The following USP15 variants were observed in gnomAD, a reference collection of about 807,000 sequenced individuals.
The protein encoded by USP15 is ubiquitin specific peptidase 15.
USP15 carries 18 observed loss-of-function variants against 127.1 expected under a neutral mutation model. The ratio of observed to expected loss-of-function variants is 0.14; its 90% CI spans 0.10 to 0.21. USP15 has a LOEUF of 0.21. USP15 is among the 10% of genes least tolerant of loss of function. The pLI, the probability that USP15 is intolerant of heterozygous loss-of-function variation, is 1.00. For synonymous variants in USP15, 364 were observed against 393.7 expected, an observed-to-expected ratio of 0.92 and a Z score of 0.89; for missense variants, 805 against 1,159.9, an observed-to-expected ratio of 0.69 and a Z score of 4.44.
At chr12:62,268,657 AAGTC>A (rs1457612324) in intron 1 of USP15, among the ~76,000 whole-genome samples, 1 of 152,124 alleles carries the variant, frequency 6.6e-6, no homozygotes, top group African/African-American at 2.4e-5. Flanking sequence ...ACCTAGTTCA[AAGTC>A]AGTCTCTAAA....
At chr12:62,334,261 A>C (rs1165996431) in intron 6 of USP15, 1 of 152,180 alleles carries the variant, frequency 6.6e-6, no homozygotes, top group African/African-American at 2.4e-5. Context: ...GTATGTTTCA[A>C]AATTTCTGTA....
chr12:62,391,136 C>T, intron 15 of USP15, 21 bp from the exon 16 acceptor site: 1 of 1,591,300 alleles, frequency 6.3e-7, no homozygotes, highest in Non-Finnish European at 8.5e-7. Context: ...TTATTTAAAG[C>T]TCTCTAATAT....
At chr12:62,371,217 T>C (rs1373462790) in intron 8 of USP15, among the ~76,000 whole-genome samples, 2 of 152,208 alleles carry the variant, frequency 1.3e-5, no homozygotes, top group East Asian at 3.9e-4. Context: ...AAAACTACTT[T>C]CAATTCTTAG....
rs149904535 is a variant in USP15, at chr12:62,389,381, A to G, written c.1474-50A>G. 2.2e-5 allele frequency: 33 copies of G among 1,512,150 alleles called. 1 individual carries two copies. In the African/African-American group the frequency reaches 4.2e-4, roughly 19 times the overall value. The allele number at this position is 1,512,150 out of a possible 1,614,324, so 93.7% of individuals were successfully genotyped here. ...ACCATGAGGTCACTCTCATTTACTG[A>G]ATTTTTTTTCCAAAATAATAAATTC... On this transcript the variant is annotated intron_variant, in intron 11 of 21. Transcript: ENST00000280377.
Position 62,355,470 on chromosome 12 carries a change from A to C in USP15, c.910A>C (p.Ile304Leu). 6.3e-7 allele frequency: 1 copy of C among 1,596,366 alleles called. No homozygotes were observed. The stretch of plus-strand genomic sequence containing the variant: ...AAATACGTGTTTCATGAACTCAGCT[A>C]TTCAGGTAGGTCTTTGTAAACAAAA... ...LGNTCFMNSA[I>L]QCLSNTPPLT... The change falls in exon 8 of 22, where the codon ATT (isoleucine) becomes CTT (leucine). Residue 304 changes from isoleucine to leucine, a missense_variant. Coordinates refer to ENST00000280377, the MANE Select transcript of USP15 (RefSeq NM_001252078.2).
intron 6 of USP15, among the ~76,000 whole-genome samples, chr12:62,344,224 TC>T (rs2065739132): frequency 6.6e-6 from 1 of 152,158 alleles, no homozygotes; most frequent in Non-Finnish European, 1.5e-5. Context: ...GTTAGTTACT[TC>T]CTAGATACAA....
intron 17 of USP15, 148 bp downstream of exon 17, chr12:62,392,034 A>G (rs1231200609): frequency 1.8e-5 from 16 of 901,174 alleles, no homozygotes; most frequent in Non-Finnish European, 2.6e-5. Context: ...TAGAAAAAAA[A>G]GTCTTTGCAA....
intron 1 of USP15, chr12:62,267,103 A>G (rs1326205082): frequency 6.6e-6 from 1 of 152,124 alleles, no homozygotes; most frequent in Non-Finnish European, 1.5e-5. Context: ...TTTTTCAACA[A>G]TTACTAAATA....
chr12:62,310,380 G>T (rs992598666), intron 3 of USP15, among the ~76,000 whole-genome samples: 2 of 151,548 alleles, frequency 1.3e-5, no homozygotes, highest in Admixed American at 6.6e-5. Flanking sequence ...ATCCTTCCCT[G>T]CTCCCTTCCT....
At chr12:62,385,922 G>C (rs1389294852) in intron 11 of USP15, among the ~76,000 whole-genome samples, 1 of 151,994 alleles carries the variant, frequency 6.6e-6, no homozygotes, top group Non-Finnish European at 1.5e-5. Context: ...ATTTGTTAGA[G>C]ATAATATTCT....
intron 1 of USP15, among the ~76,000 whole-genome samples, chr12:62,263,734 A>T (rs976316594): frequency 2.0e-5 from 3 of 152,216 alleles, no homozygotes; most frequent in Non-Finnish European, 4.4e-5. Flanking sequence ...ATATTTGTTG[A>T]TCTGTGTTTC....
chr12:62,330,951 C>T (rs1181165338), intron 6 of USP15, among the ~76,000 whole-genome samples: 3 of 128,578 alleles, frequency 2.3e-5, no homozygotes. Flanking sequence ...AAAAAAAAAA[C>T]AGAAAAGCAT....
chr12:62,364,559 T>C (rs1278231206), intron 8 of USP15, among the ~76,000 whole-genome samples: 1 of 152,142 alleles, frequency 6.6e-6, no homozygotes, highest in Non-Finnish European at 1.5e-5. Flanking sequence ...TTTTAATTTT[T>C]CTTTTTTATC....
Position 62,409,017 on chromosome 12 carries a change from A to C in USP15, c.*4642A>C, listed in dbSNP as rs190261575. 3 of 152,258 alleles carry C rather than the reference A, an allele frequency of 2.0e-5. No individual in the cohort carries two copies. The highest frequency in any genetic ancestry group is 4.4e-5 in the Non-Finnish European group (3 of 67,994). 9.4% of individuals were successfully genotyped at this position (152,258 alleles called of 1,614,324 possible). ...TAGGCTTTAAAATATCAGAATTAGG[A>C]AAATAAAATATAGATGGTAAAAATT... On this transcript the variant is annotated 3_prime_UTR_variant, in exon 22 of 22. Coordinates refer to ENST00000280377, the MANE Select transcript of USP15 (RefSeq NM_001252078.2).
rs2068008984 is a variant in USP15 at position 62,410,359 on chromosome 12, G to T, written c.*5984G>T. On this transcript the variant is annotated 3_prime_UTR_variant, in exon 22 of 22. Transcript: ENST00000280377. ...AGCAAATAGGAATTATTTTAGAGTT[G>T]CCCTTATTTTAAAAAACAAAAAAAA... The T allele has an allele frequency of 6.6e-6, 1 of 151,600 alleles. No individual in the cohort carries two copies. The highest frequency in any genetic ancestry group is 1.5e-5 in the Non-Finnish European group (1 of 67,904). The allele number at this position is 151,600 out of a possible 1,614,324, so 9.4% of individuals were successfully genotyped here. A position where few individuals can be genotyped will look rare whatever the true frequency, so the allele number is the denominator to read the frequency against.
At chr12:62,336,163 T>C (rs2065456483) in intron 6 of USP15, 1 of 985,280 alleles carries the variant, frequency 1.0e-6, no homozygotes, top group Non-Finnish European at 1.2e-6. Flanking sequence ...TAGTAGGTGT[T>C]CAAAATTAGG....
intron 15 of USP15, 86 bp from the exon 16 acceptor site, chr12:62,391,071 A>C: frequency 6.6e-7 from 1 of 1,507,898 alleles, no homozygotes; most frequent in Non-Finnish European, 8.9e-7. Context: ...GAACTAAAAA[A>C]TACCTGGAAA....
intron 1 of USP15, among the ~76,000 whole-genome samples, chr12:62,266,030 G>C (rs2063184373): frequency 6.6e-6 from 1 of 152,118 alleles, no homozygotes; most frequent in Admixed American, 6.6e-5. Flanking sequence ...TTAACACCTT[G>C]CTTCTGGATA....
intron 8 of USP15, among the ~76,000 whole-genome samples, chr12:62,373,499 GATTAATGATATAT>G (rs1419271487): frequency 6.6e-6 from 1 of 151,944 alleles, no homozygotes; most frequent in Non-Finnish European, 1.5e-5. Flanking sequence ...ACAGGGACCA[GATTAATGATATAT>G]ATTCAAGTGT....
Sources: gnomAD v4.1 joint callset for allele counts (sites outside exome capture counted in the v4.1 genomes callset) on GRCh38, gnomAD v4.1.1 for gene constraint, MANE v1.5 for transcripts, NCBI Gene and HGNC (gene_info 2026-07-23, HGNC 2026-07-21) for gene names.